Variants in SERAC1 observed in about 807,000 individuals in gnomAD.
SERAC1 encodes protein SERAC1.
SERAC1 carries 36 observed loss-of-function variants against 85.7 expected under a neutral mutation model. The ratio of observed to expected loss-of-function variants is 0.42; its 90% CI spans 0.32 to 0.55. The LOEUF is 0.55. Among genes scored for constraint, SERAC1 ranks in the 20% least tolerant of loss-of-function variants. The probability of loss-of-function intolerance (pLI) is 0.11; values close to 1 mark genes in which losing one functional copy is unlikely to be tolerated. For missense variants in SERAC1, 629 were observed against 796.2 expected (o/e 0.79, Z 2.53); for synonymous variants, 242 against 265.3 (o/e 0.91, Z 0.85).
chr6:158,122,095 A>T (rs1280344491), intron 10 of SERAC1, among the ~76,000 whole-genome samples: 1 of 152,226 alleles, frequency 6.6e-6, no homozygotes, highest in East Asian at 1.9e-4. Context: ...AGATACTCAA[A>T]TATTTCCCAT....
chr6:158,122,186 C>T (rs1408475625), intron 10 of SERAC1, among the ~76,000 whole-genome samples: 1 of 152,202 alleles, frequency 6.6e-6, no homozygotes, highest in Non-Finnish European at 1.5e-5. Flanking sequence ...CTGTCCCATA[C>T]AGCCTAGGTG....
rs1369343312 is a variant in SERAC1 at position 158,120,207 on chromosome 6, T to G, written c.1166+218A>C. 6.6e-6 allele frequency among the ~76,000 whole-genome samples: 1 copy of G among 152,252 alleles called. No individual in the cohort carries two copies. The highest frequency in any genetic ancestry group is 2.4e-5 in the African/African-American group (1 of 41,468). ...ATGCCACCTAACTGAAGGGAAGCCC[T>G]TTGTAAAATAACCATGACAATTTAG... On this transcript the variant is annotated intron_variant, in intron 11 of 16. Transcript: ENST00000647468. The surrounding 1 kb of genome is among the most constrained non-coding windows in gnomAD (Gnocchi z 4.4).
At chr6:158,136,813 A>G (rs1292532287) in intron 8 of SERAC1, among the ~76,000 whole-genome samples, 1 of 152,154 alleles carries the variant, frequency 6.6e-6, no homozygotes, top group Non-Finnish European at 1.5e-5. Flanking sequence ...TTCCTGGCAT[A>G]TGTGAAATCC....
At chr6:158,165,313 G>A (rs1160755010) in intron 1 of SERAC1, among the ~76,000 whole-genome samples, 3 of 151,924 alleles carry the variant, frequency 2.0e-5, no homozygotes, top group African/African-American at 4.8e-5. Flanking sequence ...CTGCCACCAC[G>A]CCCAGCTATT....
In SERAC1 at chr6:158,117,392, C is replaced by A; in HGVS notation, c.1403+335G>T. ...CATCTTTCTCTTTGCTTCCTTTAGC[C>A]AGTATGATTGTGGACACAAGAACAA... On this transcript the variant is annotated intron_variant, in intron 13 of 16. Coordinates refer to ENST00000647468, the MANE Select transcript of SERAC1 (RefSeq NM_032861.4). This position sits in a 1 kb window ranked among gnomAD's most constrained non-coding sequence, Gnocchi z 4.3. 1.2e-6 allele frequency: 1 copy of A among 839,148 alleles called. No individual in the cohort carries two copies. The highest frequency in any genetic ancestry group is 1.8e-6 in the Non-Finnish European group (1 of 547,642). The allele number at this position is 839,148 out of a possible 1,614,324, so 52.0% of individuals were successfully genotyped here.
intron 8 of SERAC1, among the ~76,000 whole-genome samples, chr6:158,130,984 C>A (rs1159407087): frequency 1.3e-5 from 2 of 152,124 alleles, no homozygotes; most frequent in Non-Finnish European, 2.9e-5. Context: ...AAATTCAATT[C>A]AAGTTCTTAT....
At chr6:158,121,934 T>C (rs1406548844) in intron 10 of SERAC1, among the ~76,000 whole-genome samples, 17 of 152,354 alleles carry the variant, frequency 1.1e-4, no homozygotes, top group South Asian at 1.0e-3. Context: ...TTCTTTAACA[T>C]TGAGCATTTT....
intron 6 of SERAC1, 73 bp from the exon 7 acceptor site, chr6:158,144,493 C>A: frequency 1.4e-6 from 2 of 1,417,558 alleles, no homozygotes; most frequent in South Asian, 2.8e-5. Flanking sequence ...ACTGAACAAA[C>A]AACTTGAAAG....
rs12525173 is a variant in SERAC1, at chr6:158,136,146, G to A, written c.739-5660C>T. Reference sequence around the variant, plus strand: ...AAACTTAATGAAATGTATTATTTTCGCAATTATTTAAATTTGAAATTATTC... The same window carrying A: ...AAACTTAATGAAATGTATTATTTTCACAATTATTTAAATTTGAAATTATTC... On this transcript the variant is annotated intron_variant, in intron 8 of 16. Coordinates refer to ENST00000647468, the MANE Select transcript of SERAC1 (RefSeq NM_032861.4). 1.1e-3 allele frequency among the ~76,000 whole-genome samples: 165 copies of A among 152,038 alleles called. 1 individual carries two copies. In the Middle Eastern group the frequency reaches 0.024, roughly 22 times the overall value.
intron 6 of SERAC1, chr6:158,145,971 C>T (rs754494878): frequency 1.6e-4 from 24 of 152,072 alleles, no homozygotes; most frequent in Non-Finnish European, 3.2e-4. Context: ...AACACAATTA[C>T]ATATTTCAAA....
intron 6 of SERAC1, chr6:158,145,241 C>T (rs139924345): frequency 6.6e-6 from 1 of 152,094 alleles, no homozygotes; most frequent in African/African-American, 2.4e-5. Context: ...AAGACTGTCT[C>T]AAAAAACAAT....
intron 5 of SERAC1, 36 bp from the exon 6 acceptor site, chr6:158,146,949 G>A (rs1190796122): frequency 1.2e-6 from 2 of 1,600,688 alleles, no homozygotes; most frequent in Non-Finnish European, 1.7e-6. Context: ...AATGTGAAAA[G>A]TTAAGATAAT....
intron 2 of SERAC1, among the ~76,000 whole-genome samples, chr6:158,156,859 A>AATATATTTATATAG (rs1562459718): frequency 4.3e-5 from 5 of 116,756 alleles, no homozygotes; most frequent in Middle Eastern, 8.6e-3. Flanking sequence ...ATATATAATA[A>AATATATTTATATAG]ATATTAATAT....
chr6:158,112,250 A>C (rs1376573457), intron 16 of SERAC1: 1 of 152,338 alleles, frequency 6.6e-6, no homozygotes, highest in Non-Finnish European at 1.5e-5. Flanking sequence ...CATTTATACA[A>C]AAAATTTAAA....
At position 158,117,965 on chromosome 6, in the gene SERAC1, C is replaced by T; in HGVS notation, c.1309-144G>A. On this transcript the variant is annotated intron_variant, in intron 12 of 16. Coordinates refer to ENST00000647468, the MANE Select transcript of SERAC1 (RefSeq NM_032861.4). The surrounding 1 kb of genome is among the most constrained non-coding windows in gnomAD (Gnocchi z 4.3). ...ATAAGGTTTGAAGGTACCGTAAAAA[C>T]AATTCCAGCACTATCTTTTCAAGTC... is the stretch of plus-strand genomic sequence containing the variant. 3.1e-6 allele frequency: 2 copies of T among 642,344 alleles called. No homozygotes were observed. Among genetic ancestry groups the T allele is most frequent in the Non-Finnish European group, 5.3e-6 (2 of 374,936 alleles). 39.8% of individuals were successfully genotyped at this position (642,344 alleles called of 1,614,324 possible). A position where few individuals can be genotyped will look rare whatever the true frequency, so the allele number is the denominator to read the frequency against.
At chr6:158,156,834 AT>A (rs1785350071) in intron 2 of SERAC1, among the ~76,000 whole-genome samples, 3 of 134,222 alleles carry the variant, frequency 2.2e-5, no homozygotes, top group South Asian at 4.4e-4. Context: ...TTAATATATT[AT>A]ATAAATATAT....
In SERAC1 at chr6:158,117,956, C is replaced by T; in HGVS notation, c.1309-135G>A. The stretch of plus-strand genomic sequence containing the variant: ...AGCACTGGAATAAGGTTTGAAGGTA[C>T]CGTAAAAACAATTCCAGCACTATCT... On this transcript the variant is annotated intron_variant, in intron 12 of 16. Coordinates refer to ENST00000647468, the MANE Select transcript of SERAC1 (RefSeq NM_032861.4). The surrounding 1 kb of genome is among the most constrained non-coding windows in gnomAD (Gnocchi z 4.3). 1 of 672,170 alleles carries T rather than the reference C, an allele frequency of 1.5e-6. No individual in the cohort carries two copies. The highest frequency in any genetic ancestry group is 2.5e-6 in the Non-Finnish European group (1 of 399,794). 41.6% of individuals were successfully genotyped at this position (672,170 alleles called of 1,614,324 possible).
chr6:158,143,388 T>C (rs866729772), intron 7 of SERAC1, among the ~76,000 whole-genome samples: 69 of 150,440 alleles, frequency 4.6e-4, no homozygotes, highest in African/African-American at 1.5e-3. Flanking sequence ...CACACACATA[T>C]ATATATGATA....
At position 158,130,454 on chromosome 6, in the gene SERAC1, A is replaced by T. The variant is rs1380425272; in HGVS notation, c.771T>A (p.Leu257=). The change falls in exon 9 of 17, where the codon CTT becomes CTA. Residue 257 remains leucine (L), a synonymous_variant. Transcript: ENST00000647468. ...GGLWCFGGNG[L]PYAESFGEVP... Reference sequence around the variant, plus strand: ...CTTCTCCAAAACTTTCAGCATAAGGAAGTCCATTTCCTCCAAAACACCATA... The same window carrying T: ...CTTCTCCAAAACTTTCAGCATAAGGTAGTCCATTTCCTCCAAAACACCATA... 2 of 1,603,822 alleles carry T rather than the reference A, an allele frequency of 1.2e-6. No individual in the cohort carries two copies. The highest frequency in any genetic ancestry group is 1.7e-6 in the Non-Finnish European group (2 of 1,176,492).
Sources: allele counts gnomAD v4.1 joint callset (sites outside exome capture counted in the v4.1 genomes callset), GRCh38; gene constraint gnomAD v4.1.1; non-coding constraint Gnocchi (gnomAD v3.1); transcripts MANE v1.5; gene names NCBI Gene and HGNC (gene_info 2026-07-23, HGNC 2026-07-21).